TRHDE: variants seen among roughly 807,000 people sequenced by gnomAD.
TRHDE encodes the protein thyrotropin releasing hormone degrading enzyme, also known as thyrotropin-releasing hormone-degrading ectoenzyme.
TRHDE carries 72 observed loss-of-function variants against 125.7 expected under a neutral mutation model. The ratio of observed to expected loss-of-function variants is 0.57; its 90% CI spans 0.47 to 0.70. The LOEUF is 0.70. Among genes scored for constraint, TRHDE ranks in the 30% least tolerant of loss-of-function variants. The pLI is 0.00. For missense variants in TRHDE, 1,110 were observed against 1,327.1 expected (o/e 0.84, Z 2.54); for synonymous variants, 509 against 509.1 (o/e 1.00, Z 0.00).
In TRHDE at chr12:72,667,127, T is replaced by A. The variant is rs914977858; in HGVS notation, c.*3932T>A. 1.3e-5 allele frequency: 2 copies of A among 151,920 alleles called. No individual in the cohort carries two copies. The highest frequency in any genetic ancestry group is 4.8e-5 in the African/African-American group (2 of 41,424). The allele number at this position is 151,920 out of a possible 1,614,324, so 9.4% of individuals were successfully genotyped here. A position where few individuals can be genotyped will look rare whatever the true frequency, so the allele number is the denominator to read the frequency against. Reference sequence around the variant, plus strand: ...TACTGGATTAGATGCAGTAAAGGAATCCCTAAGGAAGTTTACAATAATATA... The same window carrying A: ...TACTGGATTAGATGCAGTAAAGGAAACCCTAAGGAAGTTTACAATAATATA... On this transcript the variant is annotated 3_prime_UTR_variant, in exon 19 of 19. Transcript: ENST00000261180.
At chr12:72,570,586 A>C (rs1333830069) in intron 10 of TRHDE, among the ~76,000 whole-genome samples, 2 of 86,944 alleles carry the variant, frequency 2.3e-5, no homozygotes, top group African/African-American at 1.2e-4. Flanking sequence ...CTCAAAAAAA[A>C]AAAAAAAAAA....
At chr12:72,270,517 C>A (rs913364961), upstream of TRHDE, among the ~76,000 whole-genome samples, 2 of 152,138 alleles carry the variant, frequency 1.3e-5, no homozygotes, top group African/African-American at 4.8e-5. Flanking sequence ...TGTCTATTTT[C>A]AGTACTCCAA....
chr12:72,503,085 A>C (rs2135939509), intron 6 of TRHDE, among the ~76,000 whole-genome samples: 1 of 152,274 alleles, frequency 6.6e-6, no homozygotes, highest in African/African-American at 2.4e-5. Context: ...TGTAGGTTAA[A>C]CCACATCATT....
intron 15 of TRHDE, among the ~76,000 whole-genome samples, chr12:72,638,488 C>G (rs1202747129): frequency 6.6e-6 from 1 of 150,590 alleles, no homozygotes; most frequent in South Asian, 2.1e-4. Flanking sequence ...TTAATTGGAG[C>G]ATTTAGTCCA....
chr12:72,598,665 T>G (rs1326277632), intron 12 of TRHDE, among the ~76,000 whole-genome samples: 1 of 152,194 alleles, frequency 6.6e-6, no homozygotes, highest in Non-Finnish European at 1.5e-5. Context: ...CAAAGTTTAT[T>G]AATTAGATTT....
intron 12 of TRHDE, among the ~76,000 whole-genome samples, chr12:72,608,805 G>T (rs958177951): frequency 5.9e-5 from 9 of 152,126 alleles, no homozygotes; most frequent in African/African-American, 1.9e-4. Context: ...ACATGGTAAA[G>T]AGAATAAACA....
intron 2 of TRHDE, chr12:72,255,607 C>A (rs1197039315): frequency 3.9e-5 from 6 of 152,208 alleles, no homozygotes; most frequent in Non-Finnish European, 8.8e-5. Flanking sequence ...GGTAATCTTC[C>A]TTCTCAGGAG....
At chr12:72,617,732 G>C (rs1415350321) in intron 12 of TRHDE, among the ~76,000 whole-genome samples, 1 of 152,160 alleles carries the variant, frequency 6.6e-6, no homozygotes, top group African/African-American at 2.4e-5. Flanking sequence ...GGGAGTCCAA[G>C]ATCAAGTTCC....
intron 2 of TRHDE, among the ~76,000 whole-genome samples, chr12:72,375,552 G>T (rs1362809058): frequency 6.6e-6 from 1 of 152,148 alleles, no homozygotes; most frequent in African/African-American, 2.4e-5. Flanking sequence ...AGTAAAACCA[G>T]TGACATTTGC....
At chr12:72,321,522 C>T in intron 2 of TRHDE, among the ~76,000 whole-genome samples, 1 of 152,096 alleles carries the variant, frequency 6.6e-6, no homozygotes, top group South Asian at 2.1e-4. Flanking sequence ...TTTCAAAATT[C>T]ACCTTGCATT....
intron 3 of TRHDE, among the ~76,000 whole-genome samples, chr12:72,391,428 T>A (rs1379691913): frequency 6.6e-6 from 1 of 152,092 alleles, no homozygotes; most frequent in Non-Finnish European, 1.5e-5. Flanking sequence ...AAAGAGTGAG[T>A]CCCAAATGCC....
At chr12:72,653,553 A>G (rs12582564) in intron 17 of TRHDE, among the ~76,000 whole-genome samples, 9,946 of 152,094 alleles carry the variant, frequency 0.065, 424 homozygotes, top group Middle Eastern at 0.13. Context: ...ATTGTTTTAA[A>G]TTTTCTTTAA....
chr12:72,651,811 T>C (rs1035847867), intron 15 of TRHDE, among the ~76,000 whole-genome samples: 3 of 152,008 alleles, frequency 2.0e-5, no homozygotes, highest in Non-Finnish European at 2.9e-5. Flanking sequence ...TTATTACCTA[T>C]ATTTATAATC....
intron 15 of TRHDE, among the ~76,000 whole-genome samples, chr12:72,642,504 T>C (rs1874106393): frequency 6.6e-6 from 1 of 152,158 alleles, no homozygotes; most frequent in Non-Finnish European, 1.5e-5. Context: ...TTCTGTAATG[T>C]CAGTATCCTA....
At chr12:72,457,769 A>T (rs779435985) in intron 3 of TRHDE, among the ~76,000 whole-genome samples, 1 of 152,218 alleles carries the variant, frequency 6.6e-6, no homozygotes, top group Non-Finnish European at 1.5e-5. Flanking sequence ...CCAAGCCTAC[A>T]TAAATAATTT....
intron 3 of TRHDE, among the ~76,000 whole-genome samples, chr12:72,434,807 C>T (rs530144339): frequency 6.6e-6 from 1 of 152,290 alleles, no homozygotes; most frequent in South Asian, 2.1e-4. Context: ...CCAACACTTT[C>T]ACACTCTGAT....
chr12:72,367,348 A>AT (rs1429170989), intron 2 of TRHDE, among the ~76,000 whole-genome samples: 16 of 151,958 alleles, frequency 1.1e-4, no homozygotes, highest in African/African-American at 3.9e-4. Flanking sequence ...TCAACTCCTC[A>AT]AAGCCTCATG....
intron 6 of TRHDE, among the ~76,000 whole-genome samples, chr12:72,534,093 C>T (rs1157747129): frequency 6.6e-6 from 1 of 152,076 alleles, no homozygotes; most frequent in Non-Finnish European, 1.5e-5. Context: ...TTGGTGGATA[C>T]TTCTTTTAGC....
At chr12:72,219,707 A>C (rs1877964595) in intron 2 of TRHDE, among the ~76,000 whole-genome samples, 1 of 152,164 alleles carries the variant, frequency 6.6e-6, no homozygotes, top group Non-Finnish European at 1.5e-5. Context: ...CATAGCATTC[A>C]GTTTTGGATT....
Sources: allele counts gnomAD v4.1 joint callset (sites outside exome capture counted in the v4.1 genomes callset), GRCh38; gene constraint gnomAD v4.1.1; transcripts MANE v1.5; gene names NCBI Gene and HGNC (gene_info 2026-07-23, HGNC 2026-07-21).